The following TSHZ3 variants were observed in gnomAD, a reference collection of about 807,000 sequenced individuals.
The protein encoded by TSHZ3 is teashirt zinc finger homeobox 3.
TSHZ3 carries 10 observed loss-of-function variants against 64.5 expected under a neutral mutation model. That is an observed-to-expected ratio of 0.16 (90% CI 0.10 to 0.26). The LOEUF (loss-of-function observed/expected upper bound fraction) is 0.26, where lower values mean the gene tolerates loss of function less well. Ranked by LOEUF, TSHZ3 falls within the 10% of genes least tolerant of loss-of-function variation. The pLI, the probability that TSHZ3 is intolerant of heterozygous loss-of-function variation, is 1.00. For missense variants in TSHZ3, 1,242 were observed against 1,421.7 expected, an observed-to-expected ratio of 0.87 and a Z score of 2.03; for synonymous variants, 608 against 593.1, an observed-to-expected ratio of 1.03 and a Z score of -0.36.
chr19:31,169,682 C>T (rs1169355513), intron 5 of TSHZ3, among the ~76,000 whole-genome samples: 1 of 152,146 alleles, frequency 6.6e-6, no homozygotes, highest in African/African-American at 2.4e-5. Context: ...CCTGGAGACA[C>T]AGACTCCCTG....
intron 5 of TSHZ3, among the ~76,000 whole-genome samples, chr19:31,184,171 T>C (rs1390755): frequency 0.72 from 109,842 of 152,060 alleles, 40,288 homozygotes; most frequent in African/African-American, 0.86. Context: ...ATTTTTTCTT[T>C]TTTGTTGCAA....
chr19:31,279,884 A>C lies in TSHZ3; in HGVS notation c.41-132T>G. 1.4e-6 allele frequency: 1 copy of C among 709,680 alleles called. No homozygotes were observed. The highest frequency in any genetic ancestry group is 2.0e-6 in the Non-Finnish European group (1 of 489,558). 44.0% of individuals were successfully genotyped at this position (709,680 alleles called of 1,614,324 possible). A position where few individuals can be genotyped will look rare whatever the true frequency, so the allele number is the denominator to read the frequency against. ...TAGAATATGTTCTGGGCTCTCAGGA[A>C]AACACAGCAACCCAGATGGGTACAT... On this transcript the variant is annotated intron_variant, in intron 1 of 1. Coordinates refer to ENST00000240587, the MANE Select transcript of TSHZ3 (RefSeq NM_020856.4). The surrounding 1 kb of genome is among the most constrained non-coding windows in gnomAD (Gnocchi z 6.4).
intron 1 of TSHZ3, among the ~76,000 whole-genome samples, chr19:31,295,862 G>A (rs972824418): frequency 2.7e-5 from 4 of 149,962 alleles, no homozygotes; most frequent in African/African-American, 9.9e-5. Context: ...TTTGGGCTAT[G>A]ATGGATCCCA....
chr19:31,269,060 C>A (rs11084578), intron 1 of TSHZ3, among the ~76,000 whole-genome samples: 1 of 151,766 alleles, frequency 6.6e-6, no homozygotes, highest in South Asian at 2.1e-4. Flanking sequence ...GCAGGAAAGC[C>A]GCCTTCCTCT....
intron 1 of TSHZ3, among the ~76,000 whole-genome samples, chr19:31,286,604 G>A (rs999130097): frequency 3.3e-5 from 5 of 152,204 alleles, no homozygotes; most frequent in African/African-American, 4.8e-5. Flanking sequence ...AACCCCTCGG[G>A]ATGAGTCACT....
At chr19:31,234,763 T>C (rs979118446) in intron 3 of TSHZ3, among the ~76,000 whole-genome samples, 4 of 152,250 alleles carry the variant, frequency 2.6e-5, no homozygotes, top group African/African-American at 9.6e-5. Context: ...AGTTTGCTAA[T>C]ATTTTGTTGA....
At chr19:31,172,726 G>C (rs1974552660) in intron 5 of TSHZ3, among the ~76,000 whole-genome samples, 1 of 152,236 alleles carries the variant, frequency 6.6e-6, no homozygotes, top group Admixed American at 6.5e-5. Flanking sequence ...CCTGAAGCAA[G>C]CTAAGCAGTT....
chr19:31,235,696 C>CTTTT (rs1568355733), intron 3 of TSHZ3, among the ~76,000 whole-genome samples: 2 of 75,086 alleles, frequency 2.7e-5, no homozygotes, highest in African/African-American at 1.2e-4. Context: ...TTCTCCTCTT[C>CTTTT]TTCTTTTTTT....
intron 3 of TSHZ3, among the ~76,000 whole-genome samples, chr19:31,241,493 T>C: frequency 6.6e-6 from 1 of 152,224 alleles, no homozygotes; most frequent in African/African-American, 2.4e-5. Flanking sequence ...TTAGTCTCTC[T>C]GCTCTACTTT....
intron 5 of TSHZ3, among the ~76,000 whole-genome samples, chr19:31,181,459 T>G (rs1383205199): frequency 6.6e-6 from 1 of 152,166 alleles, no homozygotes; most frequent in Admixed American, 6.5e-5. Flanking sequence ...GGGTTTCTTT[T>G]AGAATCCCTC....
At chr19:31,266,489 T>G (rs1022008062) in intron 1 of TSHZ3, among the ~76,000 whole-genome samples, 1 of 152,066 alleles carries the variant, frequency 6.6e-6, no homozygotes, top group African/African-American at 2.4e-5. Flanking sequence ...CTGGGGCTTA[T>G]TCCCCCTTTG....
At chr19:31,270,865 C>T (rs529444368), downstream of TSHZ3, among the ~76,000 whole-genome samples, 3 of 152,180 alleles carry the variant, frequency 2.0e-5, no homozygotes, top group Non-Finnish European at 2.9e-5. Context: ...TTTCTTATCA[C>T]CTTAATCATC....
At chr19:31,189,953 A>T (rs1974875897) in intron 5 of TSHZ3, among the ~76,000 whole-genome samples, 1 of 152,180 alleles carries the variant, frequency 6.6e-6, no homozygotes, top group Non-Finnish European at 1.5e-5. Context: ...TCATCAAAAA[A>T]TGACCTTCTT....
At chr19:31,181,955 C>T (rs1353914666) in intron 5 of TSHZ3, among the ~76,000 whole-genome samples, 7 of 152,104 alleles carry the variant, frequency 4.6e-5, no homozygotes, top group African/African-American at 1.4e-4. Context: ...GGAGTCCTGG[C>T]CAGATCCTCT....
chr19:31,349,556 A>C, upstream of TSHZ3: 1 of 223,666 alleles, frequency 4.5e-6, no homozygotes, highest in Non-Finnish European at 8.5e-6. Flanking sequence ...AGTTTGACAA[A>C]TCGCTCCAGA....
chr19:31,287,386 C>T (rs1444834329), intron 1 of TSHZ3, among the ~76,000 whole-genome samples: 1 of 152,172 alleles, frequency 6.6e-6, no homozygotes, highest in East Asian at 1.9e-4. Context: ...CAGAAGAACA[C>T]CCCTCTTTGC....
chr19:31,269,261 A>ATT (rs1976100149), intron 1 of TSHZ3, among the ~76,000 whole-genome samples: 2 of 152,112 alleles, frequency 1.3e-5, no homozygotes, highest in Admixed American at 1.3e-4. Context: ...CCACCAATAT[A>ATT]CAAAGCAATT....
rs115853928 is a variant in TSHZ3 at position 31,158,339 on chromosome 19, T to C, written n.810-1922A>G. On this transcript the variant is annotated intron_variant and non_coding_transcript_variant, in intron 5 of 6. Coordinates refer to the TSHZ3 transcript ENST00000651361. Reference sequence around the variant, plus strand: ...GGCAGGTTAAAATGATCATGTTTGGTATACCAGTGGATTAGTCTACTATTG... The same window carrying C: ...GGCAGGTTAAAATGATCATGTTTGGCATACCAGTGGATTAGTCTACTATTG... 3.6e-3 allele frequency among the ~76,000 whole-genome samples: 549 copies of C among 152,338 alleles called. 1 individual carries two copies. Among genetic ancestry groups the C allele is most frequent in the African/African-American group, 0.013 (530 of 41,574 alleles).
chr19:31,277,915 C>A lies in TSHZ3; in HGVS notation c.1878G>T (p.Glu626Asp). The A allele has an allele frequency of 6.2e-7, 1 of 1,614,204 alleles. No individual in the cohort carries two copies. The highest frequency in any genetic ancestry group is 8.5e-7 in the Non-Finnish European group (1 of 1,180,032). The change falls in exon 2 of 2, where the codon GAG becomes GAT. Residue 626 changes from glutamate (E) to aspartate (D), a missense_variant. Glu to Asp is a conservative substitution (Grantham distance 45). Around this residue, in one of 4 missense-constraint regions of TSHZ3, gnomAD observed 550 missense variants for 545.1 expected, o/e 1.01. Coordinates refer to ENST00000240587, the MANE Select transcript of TSHZ3 (RefSeq NM_020856.4). This position sits in a 1 kb window ranked among gnomAD's most constrained non-coding sequence, Gnocchi z 4.5. ...GCTTCCCATCCGGCTCCTTCATCTT[C>A]TCCTCCACTTTGGCAACTTTCTCAG... ...KVTEKVAKVE[E>D]KMKEPDGKLS...
Sources: allele counts gnomAD v4.1 joint callset (sites outside exome capture counted in the v4.1 genomes callset), GRCh38; gene constraint gnomAD v4.1.1; regional missense constraint gnomAD v4.1.1; non-coding constraint Gnocchi (gnomAD v3.1); transcripts MANE v1.5; gene names NCBI Gene and HGNC (gene_info 2026-07-23, HGNC 2026-07-21).